TRPM3: variants seen among roughly 807,000 people sequenced by gnomAD.
The protein encoded by TRPM3 is long transient receptor potential channel 3.
A neutral mutation model predicts 181.2 loss-of-function variants in TRPM3; 77 were observed. The observed-to-expected ratio is 0.42, with a 90% confidence interval of 0.35 to 0.51. The LOEUF (loss-of-function observed/expected upper bound fraction) is 0.51, where lower values mean the gene tolerates loss of function less well. Ranked by LOEUF, TRPM3 falls within the 20% of genes least tolerant of loss-of-function variation. The probability of loss-of-function intolerance (pLI) is 0.01; values close to 1 mark genes in which losing one functional copy is unlikely to be tolerated. For synonymous variants in TRPM3, 745 were observed against 796.4 expected (o/e 0.94, Z 1.09); for missense variants, 1,759 against 2,196.7 (o/e 0.80, Z 3.98).
At chr9:71,241,483 C>A (rs1325280310) in intron 1 of TRPM3, among the ~76,000 whole-genome samples, 1 of 140,192 alleles carries the variant, frequency 7.1e-6, no homozygotes, top group Non-Finnish European at 1.5e-5. Context: ...ACATCACACA[C>A]CGGGGCCTGC....
chr9:71,058,126 C>T (rs1361702221), intron 1 of TRPM3, among the ~76,000 whole-genome samples: 2 of 152,088 alleles, frequency 1.3e-5, no homozygotes, highest in African/African-American at 2.4e-5. Context: ...TAGTCCAACA[C>T]AAGCCTTGAT....
chr9:71,279,065 A>AAAAAC (rs2084480915), intron 1 of TRPM3, among the ~76,000 whole-genome samples: 1 of 147,930 alleles, frequency 6.8e-6, no homozygotes, highest in South Asian at 2.1e-4. Context: ...ATAAAAATAA[A>AAAAAC]AAAACCACCA....
At chr9:70,691,835 T>C (rs1335654777) in intron 8 of TRPM3, among the ~76,000 whole-genome samples, 2 of 152,188 alleles carry the variant, frequency 1.3e-5, no homozygotes, top group Non-Finnish European at 2.9e-5. Context: ...CTGAGACTAC[T>C]GAGGATATTT....
chr9:70,631,896 T>C (rs2065925087), intron 12 of TRPM3, among the ~76,000 whole-genome samples: 1 of 152,224 alleles, frequency 6.6e-6, no homozygotes. Flanking sequence ...GATGGTCTGA[T>C]AATTCCTCAA....
intron 1 of TRPM3, among the ~76,000 whole-genome samples, chr9:71,249,774 A>C (rs1457326757): frequency 6.6e-6 from 1 of 152,190 alleles, no homozygotes; most frequent in Non-Finnish European, 1.5e-5. Flanking sequence ...CATAGTGGGA[A>C]TCTACGAGAT....
At chr9:71,248,305 G>A (rs1183618201) in intron 1 of TRPM3, among the ~76,000 whole-genome samples, 3 of 152,212 alleles carry the variant, frequency 2.0e-5, no homozygotes. Flanking sequence ...TCTGGCCAAT[G>A]AGACCCGAGG....
intron 24 of TRPM3, 91 bp downstream of exon 24, chr9:70,552,753 A>G: frequency 7.4e-7 from 1 of 1,343,888 alleles, no homozygotes; most frequent in South Asian, 1.2e-5. Flanking sequence ...AGGTAGGAGG[A>G]ACTAGGTGGG....
At chr9:70,921,225 T>C (rs77611193) in intron 1 of TRPM3, among the ~76,000 whole-genome samples, 3,432 of 152,350 alleles carry the variant, frequency 0.023, 55 homozygotes, top group Non-Finnish European at 0.037. Context: ...TTTTTACTTA[T>C]GTTTTCCACA....
chr9:70,921,956 CACACACACACACACACACAT>C (rs2096661190), intron 1 of TRPM3, among the ~76,000 whole-genome samples: 2 of 151,510 alleles, frequency 1.3e-5, no homozygotes, highest in Non-Finnish European at 2.9e-5. Context: ...CACACACACA[CACACACACACACACACACAT>C]ATAGTTATTT....
intron 1 of TRPM3, among the ~76,000 whole-genome samples, chr9:71,373,323 A>AG (rs1588713210): frequency 6.6e-6 from 1 of 151,538 alleles, no homozygotes; most frequent in South Asian, 2.1e-4. Context: ...AAAAAAAAAA[A>AG]TCAACGAATC....
chr9:71,368,017 TACACACACACATATGAGTATGTGTAC>T (rs1389391953), intron 1 of TRPM3, among the ~76,000 whole-genome samples: 2 of 151,932 alleles, frequency 1.3e-5, no homozygotes, highest in Admixed American at 1.3e-4. Context: ...AGTGTATGTG[TACACACACACATATGAGTATGTGTAC>T]ACACACACAC....
intron 1 of TRPM3, among the ~76,000 whole-genome samples, chr9:70,991,065 C>T (rs1475039689): frequency 6.6e-6 from 1 of 152,154 alleles, no homozygotes. Context: ...CTCACCTGAA[C>T]CAGAATGAAA....
intron 1 of TRPM3, among the ~76,000 whole-genome samples, chr9:71,168,262 G>C (rs1005680664): frequency 2.0e-5 from 3 of 152,100 alleles, no homozygotes; most frequent in Non-Finnish European, 4.4e-5. Context: ...CATCTTATCT[G>C]CTATCTTCCT....
At chr9:71,188,324 G>A (rs2077809406) in intron 1 of TRPM3, among the ~76,000 whole-genome samples, 1 of 151,760 alleles carries the variant, frequency 6.6e-6, no homozygotes, top group South Asian at 2.1e-4. Context: ...AGTAGGAAAA[G>A]GAAAATTTTT....
chr9:70,593,182 C>T (rs2058428133), intron 21 of TRPM3, among the ~76,000 whole-genome samples: 1 of 152,166 alleles, frequency 6.6e-6, no homozygotes, highest in African/African-American at 2.4e-5. Flanking sequence ...ACAGGAATAT[C>T]TTAAAATCTG....
intron 1 of TRPM3, among the ~76,000 whole-genome samples, chr9:71,082,740 G>A (rs900853914): frequency 2.6e-5 from 4 of 152,058 alleles, no homozygotes; most frequent in Non-Finnish European, 5.9e-5. Context: ...TCTACATCAG[G>A]AAAAACAAAT....
intron 1 of TRPM3, among the ~76,000 whole-genome samples, chr9:71,176,653 C>T (rs1053766299): frequency 2.0e-5 from 3 of 152,058 alleles, no homozygotes; most frequent in African/African-American, 4.8e-5. Flanking sequence ...ATGTCCTAGG[C>T]CTTCACATTC....
chr9:70,848,134 A>G (rs1185475735), intron 3 of TRPM3, among the ~76,000 whole-genome samples: 1 of 152,218 alleles, frequency 6.6e-6, no homozygotes, highest in African/African-American at 2.4e-5. Flanking sequence ...ATGACTGAGT[A>G]TAAGAGTCAG....
At chr9:70,961,950 T>C (rs2097140316) in intron 1 of TRPM3, among the ~76,000 whole-genome samples, 1 of 152,178 alleles carries the variant, frequency 6.6e-6, no homozygotes, top group Non-Finnish European at 1.5e-5. Context: ...ATTAGCATCA[T>C]AGAATGACTC....
Sources: gnomAD v4.1 joint callset for allele counts (sites outside exome capture counted in the v4.1 genomes callset) on GRCh38, gnomAD v4.1.1 for gene constraint, MANE v1.5 for transcripts, NCBI Gene and HGNC (gene_info 2026-07-23, HGNC 2026-07-21) for gene names.